Variants in ZNF626 observed in about 807,000 individuals in gnomAD.
ZNF626 encodes the protein zinc finger protein 626.
In ZNF626, 4 loss-of-function variants were observed where a neutral mutation model predicts 11.7. That is an observed-to-expected ratio of 0.34 (90% CI 0.17 to 0.78). ZNF626 has a LOEUF of 0.78. Among genes scored for constraint, ZNF626 ranks in the 30% least tolerant of loss-of-function variants. The pLI is 0.57. For missense variants in ZNF626, 588 were observed against 587.1 expected (o/e 1.00, Z -0.01); for synonymous variants, 179 against 198.6 (o/e 0.90, Z 0.83).
At chr19:20,656,570 T>C (rs1555773138) in intron 1 of ZNF626, among the ~76,000 whole-genome samples, 1 of 151,934 alleles carries the variant, frequency 6.6e-6, no homozygotes, top group African/African-American at 2.4e-5. Context: ...CAGAATTTAT[T>C]AAGAATTTAA....
At chr19:20,635,230 T>A (rs10854033) in intron 3 of ZNF626, among the ~76,000 whole-genome samples, 1 of 151,926 alleles carries the variant, frequency 6.6e-6, no homozygotes, top group Non-Finnish European at 1.5e-5. Flanking sequence ...ATTGGATGAA[T>A]TGGTAGTTGT....
rs1969751822 is a variant in ZNF626, at chr19:20,621,005, ATTTAT to A, written c.*3280_*3284del. The A allele has an allele frequency of 6.6e-6, 1 of 151,908 alleles. No individual in the cohort carries two copies. The highest frequency in any genetic ancestry group is 2.4e-5 in the African/African-American group (1 of 41,218). The allele number at this position is 151,908 out of a possible 1,614,324, so 9.4% of individuals were successfully genotyped here. On this transcript the variant is annotated 3_prime_UTR_variant, in exon 4 of 4. Coordinates refer to ENST00000601440, the MANE Select transcript of ZNF626 (RefSeq NM_001076675.3). ...AGGCGCCCACCACCACGCCCAGCTA[ATTTAT>A]TTTTAGTAGAGACAGGGTTTCAACG...
In ZNF626 at chr19:20,622,750, A is replaced by C. The variant is rs1214143076; in HGVS notation, c.*1540T>G. The C allele has an allele frequency of 2.6e-5, 4 of 152,174 alleles. No individual in the cohort carries two copies. Among genetic ancestry groups the C allele is most frequent in the African/African-American group, 9.6e-5 (4 of 41,452 alleles). The allele number at this position is 152,174 out of a possible 1,614,324, so 9.4% of individuals were successfully genotyped here. A position where few individuals can be genotyped will look rare whatever the true frequency, so the allele number is the denominator to read the frequency against. On this transcript the variant is annotated 3_prime_UTR_variant, in exon 4 of 4. Coordinates refer to ENST00000601440, the MANE Select transcript of ZNF626 (RefSeq NM_001076675.3). ...ATTCATTTATATACTCAACACTCTTATTTAATGTAATGTCTGAAGTGTCAG... is the reference window on the plus strand; with the variant it reads ...ATTCATTTATATACTCAACACTCTTCTTTAATGTAATGTCTGAAGTGTCAG...
chr19:20,629,272 T>TC (rs1217641172), intron 3 of ZNF626, among the ~76,000 whole-genome samples: 1 of 151,652 alleles, frequency 6.6e-6, no homozygotes, highest in East Asian at 1.9e-4. Context: ...GCGGGCTCTT[T>TC]TTGGTTTCAT....
At chr19:20,647,488 T>G (rs1002662751) in intron 1 of ZNF626, among the ~76,000 whole-genome samples, 2 of 119,220 alleles carry the variant, frequency 1.7e-5, no homozygotes, top group Non-Finnish European at 3.1e-5. Flanking sequence ...ACAATGGTTT[T>G]TTTTTTTTTT....
intron 1 of ZNF626, among the ~76,000 whole-genome samples, chr19:20,659,245 AT>A (rs1210047844): frequency 2.6e-4 from 38 of 147,722 alleles, no homozygotes; most frequent in East Asian, 4.0e-4. Flanking sequence ...GGTCAAAATA[AT>A]TTTTTTTTTT....
intron 1 of ZNF626, among the ~76,000 whole-genome samples, chr19:20,651,896 T>C (rs1555772614): frequency 6.6e-6 from 1 of 152,238 alleles, no homozygotes; most frequent in African/African-American, 2.4e-5. Flanking sequence ...ACTGGATATT[T>C]TGTGGCCTTG....
intron 1 of ZNF626, among the ~76,000 whole-genome samples, chr19:20,658,922 G>A (rs1306726805): frequency 6.6e-6 from 1 of 152,048 alleles, no homozygotes; most frequent in African/African-American, 2.4e-5. Flanking sequence ...GCTACTTACA[G>A]AACTCAGCAA....
intron 1 of ZNF626, among the ~76,000 whole-genome samples, chr19:20,649,430 A>C (rs1047079561): frequency 1.3e-5 from 2 of 152,098 alleles, no homozygotes. Context: ...CGCCACACTG[A>C]CTTGTCCCTA....
In ZNF626 at chr19:20,628,770, G is replaced by A. The variant is rs1969869388; in HGVS notation, c.227-3120C>T. On this transcript the variant is annotated intron_variant, in intron 3 of 3. Coordinates refer to ENST00000601440, the MANE Select transcript of ZNF626 (RefSeq NM_001076675.3). ...TGATGGTGGTTTCTTTTGCTGTGCA[G>A]AACCTCTTTAGTTTAATTAGATCCC... Among the ~76,000 whole-genome samples, 8 of 152,256 alleles carry A rather than the reference G, an allele frequency of 5.3e-5. No individual in the cohort carries two copies. The South Asian group carries it at 1.7e-3, about 32-fold the overall frequency.
At chr19:20,645,826 A>G (rs1465010337) in intron 2 of ZNF626, 47 bp from the exon 3 acceptor site, 3 of 1,458,288 alleles carry the variant, frequency 2.1e-6, no homozygotes, top group African/African-American at 2.8e-5. Flanking sequence ...ATGTTCTCCA[A>G]TTACAAGCTA....
intron 3 of ZNF626, among the ~76,000 whole-genome samples, chr19:20,634,455 C>G (rs1969944625): frequency 6.6e-6 from 1 of 152,122 alleles, no homozygotes; most frequent in Non-Finnish European, 1.5e-5. Flanking sequence ...TTATAGATCA[C>G]TTTCTATGAC....
intron 1 of ZNF626, among the ~76,000 whole-genome samples, chr19:20,650,099 A>G (rs1316351643): frequency 6.6e-6 from 1 of 152,240 alleles, no homozygotes; most frequent in Non-Finnish European, 1.5e-5. Context: ...AGTATGATAC[A>G]GAGCACTGTG....
chr19:20,633,311 C>G (rs1255139018), intron 3 of ZNF626, among the ~76,000 whole-genome samples: 1 of 152,202 alleles, frequency 6.6e-6, no homozygotes, highest in Admixed American at 6.5e-5. Flanking sequence ...CTCTTCAAAG[C>G]TGTCAGAGAG....
intron 3 of ZNF626, chr19:20,645,367 A>G (rs373971564): frequency 6.3e-7 from 1 of 1,581,252 alleles, no homozygotes; most frequent in African/African-American, 1.4e-5. Context: ...CCCAAAAATT[A>G]TGGAAAAGCA....
chr19:20,639,287 G>C (rs1452828305), intron 3 of ZNF626, among the ~76,000 whole-genome samples: 1 of 152,166 alleles, frequency 6.6e-6, no homozygotes, highest in Non-Finnish European at 1.5e-5. Context: ...TTATACTGCA[G>C]CATGAGGTTT....
At position 20,624,296 on chromosome 19, in the gene ZNF626, T is replaced by G. The variant is rs10410002; in HGVS notation, c.1581A>C (p.Ile527=). The part of the protein sequence containing the change: ...PSSGPHTLLH[I]R ...AATTTCTCTCCAGTATGAATTATCT[T>G]ATGTGTAGTAAGGTGTGAGGACCGC... Residue 527 remains isoleucine, a synonymous_variant, in exon 4 of 4, where the codon ATA becomes ATC. Coordinates refer to ENST00000601440, the MANE Select transcript of ZNF626 (RefSeq NM_001076675.3). The G allele has an allele frequency of 3.7e-3, 6,011 of 1,613,970 alleles. 232 individuals are homozygous for G. The African/African-American group carries it at 0.071, about 19-fold the overall frequency.
intron 3 of ZNF626, among the ~76,000 whole-genome samples, chr19:20,635,798 T>C (rs957539594): frequency 1.1e-4 from 16 of 152,064 alleles, no homozygotes. Flanking sequence ...GACGCTGAAA[T>C]TGGGAGAGAT....
chr19:20,643,839 G>T (rs1280420551), intron 3 of ZNF626, among the ~76,000 whole-genome samples: 1 of 152,210 alleles, frequency 6.6e-6, no homozygotes, highest in Non-Finnish European at 1.5e-5. Flanking sequence ...GTGCCTCTAA[G>T]AGAGATGTGA....
Sources: gnomAD v4.1 joint callset for allele counts (sites outside exome capture counted in the v4.1 genomes callset) on GRCh38, gnomAD v4.1.1 for gene constraint, MANE v1.5 for transcripts, NCBI Gene and HGNC (gene_info 2026-07-23, HGNC 2026-07-21) for gene names.